Variants in SYNGR1 observed in about 807,000 individuals in gnomAD.
The protein encoded by SYNGR1 is synaptogyrin-1.
Under a neutral mutation model 26.1 loss-of-function variants are expected in SYNGR1, and 14 were observed. That is an observed-to-expected ratio of 0.54 (90% CI 0.35 to 0.84). SYNGR1 has a LOEUF of 0.84. SYNGR1 is among the 40% of genes least tolerant of loss of function. The pLI, the probability that SYNGR1 is intolerant of heterozygous loss-of-function variation, is 0.01. For synonymous variants in SYNGR1, 141 were observed against 150.1 expected (o/e 0.94, Z 0.44); for missense variants, 319 against 332.9 (o/e 0.96, Z 0.33).
chr22:39,382,409 T>G lies in SYNGR1; in HGVS notation c.*495T>G. 5.1e-6 allele frequency: 1 copy of G among 196,608 alleles called. No homozygotes were observed. The highest frequency in any genetic ancestry group is 1.1e-5 in the Non-Finnish European group (1 of 93,962). The allele number at this position is 196,608 out of a possible 1,614,324, so 12.2% of individuals were successfully genotyped here. On this transcript the variant is annotated 3_prime_UTR_variant, in exon 4 of 4. Coordinates refer to ENST00000328933, the MANE Select transcript of SYNGR1 (RefSeq NM_004711.5). ...CACAGGACACTGGGGGCTGTCACCC[T>G]GCTCTGGCAGTCCTGCTAAGAGTGT...
intron 3 of SYNGR1, chr22:39,378,220 G>A (rs1925377074): frequency 2.8e-6 from 3 of 1,058,860 alleles, no homozygotes; most frequent in African/African-American, 1.7e-5. Flanking sequence ...TGTGCTATGT[G>A]ACCCTGACAA....
chr22:39,358,929 G>T (rs1343939346), intron 1 of SYNGR1, among the ~76,000 whole-genome samples: 1 of 152,238 alleles, frequency 6.6e-6, no homozygotes, highest in South Asian at 2.1e-4. Flanking sequence ...AAGGGGACCT[G>T]GAGAGAGGGG....
intron 1 of SYNGR1, among the ~76,000 whole-genome samples, chr22:39,370,235 A>G (rs1331380528): frequency 2.0e-5 from 3 of 151,948 alleles, no homozygotes; most frequent in South Asian, 2.1e-4. Flanking sequence ...GGTTCAAGCA[A>G]TTCTCCTGCC....
At position 39,374,563 on chromosome 22, in the gene SYNGR1, A is replaced by G. The variant is rs776404998; in HGVS notation, c.337+10A>G. On this transcript the variant is annotated intron_variant, in intron 2 of 3. Coordinates refer to ENST00000328933, the MANE Select transcript of SYNGR1 (RefSeq NM_004711.5). The stretch of plus-strand genomic sequence containing the variant: ...GACATCGGTGTCTCGGGTGAGCCCC[A>G]CCCAGCAGGTACCCCCTGCACAGAG... The G allele has an allele frequency of 8.7e-6, 14 of 1,612,286 alleles. No homozygotes were observed. The highest frequency in any genetic ancestry group is 2.7e-5 in the African/African-American group (2 of 74,874).
chr22:39,358,001 T>C (rs1276320576), intron 1 of SYNGR1, among the ~76,000 whole-genome samples: 88 of 152,220 alleles, frequency 5.8e-4, no homozygotes, highest in Admixed American at 5.8e-3. Flanking sequence ...GGCGCGGGAG[T>C]GGCAGGCAGC....
chr22:39,377,869 G>T (rs1925358544), intron 3 of SYNGR1: 1 of 1,486,764 alleles, frequency 6.7e-7, no homozygotes, highest in Non-Finnish European at 9.0e-7. Context: ...CTCCTTCATT[G>T]ATTCTTCATG....
intron 1 of SYNGR1, among the ~76,000 whole-genome samples, chr22:39,358,172 CTG>C (rs1924264519): frequency 1.3e-5 from 2 of 152,154 alleles, no homozygotes. Flanking sequence ...AATCGACACT[CTG>C]TATCTAGCTG....
At chr22:39,376,329 C>T in intron 3 of SYNGR1, 132 bp downstream of exon 3, 5 of 1,478,158 alleles carry the variant, frequency 3.4e-6, no homozygotes, top group Non-Finnish European at 4.7e-6. Context: ...CCCTCTTCTG[C>T]CTGCCTGTCT....
intron 1 of SYNGR1, among the ~76,000 whole-genome samples, chr22:39,368,829 A>G (rs1278798105): frequency 6.6e-6 from 1 of 152,198 alleles, no homozygotes; most frequent in Non-Finnish European, 1.5e-5. Flanking sequence ...TGTGTCTGTT[A>G]GTAAGTGTTC....
chr22:39,381,117 C>A (rs1390583827), intron 3 of SYNGR1, among the ~76,000 whole-genome samples: 2 of 152,180 alleles, frequency 1.3e-5, no homozygotes. Context: ...GCATGGCCCC[C>A]AGGCATCTTT....
At chr22:39,364,968 C>A (rs927104676) in intron 1 of SYNGR1, among the ~76,000 whole-genome samples, 3 of 152,154 alleles carry the variant, frequency 2.0e-5, no homozygotes, top group Non-Finnish European at 4.4e-5. Flanking sequence ...CGGAAAAAAA[C>A]CAAAGAGGCT....
At chr22:39,364,813 T>C (rs1223541514) in intron 1 of SYNGR1, among the ~76,000 whole-genome samples, 1 of 152,128 alleles carries the variant, frequency 6.6e-6, no homozygotes, top group Non-Finnish European at 1.5e-5. Context: ...TTTCTATGTG[T>C]CTCTGAATCC....
intron 3 of SYNGR1, chr22:39,377,831 T>C: frequency 6.6e-7 from 1 of 1,520,994 alleles, no homozygotes; most frequent in Middle Eastern, 1.9e-4. Flanking sequence ...ATTCAGGTTC[T>C]CCACTGACTC....
At chr22:39,365,256 C>G (rs1924685291) in intron 1 of SYNGR1, among the ~76,000 whole-genome samples, 1 of 152,134 alleles carries the variant, frequency 6.6e-6, no homozygotes, top group Admixed American at 6.6e-5. Context: ...TGTGGCTGCT[C>G]TGTGTGCCCC....
At position 39,350,116 on chromosome 22, in the gene SYNGR1, AC is replaced by A; in HGVS notation, c.99+8del. On this transcript the variant is annotated splice_region_variant and intron_variant, in intron 1 of 3. Transcript: ENST00000328933. The surrounding 1 kb of genome is among the most constrained non-coding windows in gnomAD (Gnocchi z 4.3). Reference sequence around the variant, plus strand: ...CCTGCGCGTCGTGTCTTGGGTAAGGACGGACTGGCCGACGGCTCTGCCAGGC... The same window carrying A: ...CCTGCGCGTCGTGTCTTGGGTAAGGAGGACTGGCCGACGGCTCTGCCAGGC... 1.4e-6 allele frequency: 2 copies of A among 1,438,980 alleles called. No homozygotes were observed. Among genetic ancestry groups the A allele is most frequent in the Non-Finnish European group, 1.9e-6 (2 of 1,080,984 alleles). 89.1% of individuals were successfully genotyped at this position (1,438,980 alleles called of 1,614,324 possible).
Position 39,374,401 on chromosome 22 carries a change from A to G in SYNGR1, c.185A>G (p.Asn62Ser). ...ASEGEEFCIY[N>S]RNPNACSYGV... ...GAGGGGGAGGAGTTCTGCATCTACA[A>G]CCGCAACCCCAACGCCTGCAGCTAT... The change falls in exon 2 of 4, where the codon AAC becomes AGC. Residue 62 changes from asparagine (N) to serine (S), a missense_variant. Asn to Ser is a conservative substitution (Grantham distance 46, BLOSUM62 1). Coordinates refer to ENST00000328933, the MANE Select transcript of SYNGR1 (RefSeq NM_004711.5). 6.2e-7 allele frequency: 1 copy of G among 1,613,834 alleles called. No individual in the cohort carries two copies. Among genetic ancestry groups the G allele is most frequent in the South Asian group, 1.1e-5 (1 of 91,058 alleles).
intron 1 of SYNGR1, among the ~76,000 whole-genome samples, chr22:39,370,727 C>T (rs1009552780): frequency 7.2e-5 from 11 of 151,876 alleles, no homozygotes; most frequent in Admixed American, 1.3e-4. Flanking sequence ...AAGCCATTCT[C>T]CTGTCACAGG....
At chr22:39,373,227 G>A (rs1925115192) in intron 1 of SYNGR1, among the ~76,000 whole-genome samples, 2 of 151,306 alleles carry the variant, frequency 1.3e-5, no homozygotes, top group Non-Finnish European at 2.9e-5. Context: ...AGAGTGCAGT[G>A]GCTTAATCTT....
chr22:39,362,029 G>A (rs1050513473), intron 1 of SYNGR1, among the ~76,000 whole-genome samples: 7 of 63,184 alleles, frequency 1.1e-4, no homozygotes, highest in Non-Finnish European at 2.3e-4. Context: ...TTTTTTTTTT[G>A]TAGAGACGAG....
Sources: allele counts gnomAD v4.1 joint callset (sites outside exome capture counted in the v4.1 genomes callset), GRCh38; gene constraint gnomAD v4.1.1; non-coding constraint Gnocchi (gnomAD v3.1); transcripts MANE v1.5; gene names NCBI Gene and HGNC (gene_info 2026-07-23, HGNC 2026-07-21).